KDM3B: variants seen among roughly 807,000 people sequenced by gnomAD.
KDM3B encodes lysine demethylase 3B.
Under a neutral mutation model 170.0 loss-of-function variants are expected in KDM3B, and 10 were observed. That is an observed-to-expected ratio of 0.06 (90% CI 0.04 to 0.10). KDM3B has a LOEUF of 0.10. Among genes scored for constraint, KDM3B ranks in the 10% least tolerant of loss-of-function variants. The pLI is 1.00. For missense variants in KDM3B, 1,394 were observed against 2,195.2 expected, an observed-to-expected ratio of 0.64 and a Z score of 7.29; for synonymous variants, 831 against 834.8, an observed-to-expected ratio of 1.00 and a Z score of 0.08.
At chr5:138,390,222 G>A (rs1762393004) in intron 7 of KDM3B, among the ~76,000 whole-genome samples, 1 of 152,096 alleles carries the variant, frequency 6.6e-6, no homozygotes, top group Non-Finnish European at 1.5e-5. Context: ...AAGAAGGAAA[G>A]GGGAGTGTTC....
chr5:138,394,510 G>GAA (rs1251195450), intron 9 of KDM3B, among the ~76,000 whole-genome samples: 2 of 152,168 alleles, frequency 1.3e-5, no homozygotes, highest in Admixed American at 6.5e-5. Flanking sequence ...GAGAGTTGAG[G>GAA]AACAGCCTGC....
At position 138,400,023 on chromosome 5, in the gene KDM3B, A is replaced by G. The variant is rs769952315; in HGVS notation, c.3199+11A>G. On this transcript the variant is annotated intron_variant, in intron 11 of 23. Coordinates refer to ENST00000314358, the MANE Select transcript of KDM3B (RefSeq NM_016604.4). ...GCCGGCCACGCAGTGGTAAGTAAACATTGTCCTGTGTAGCTCGAAAGGTAA... is the reference window on the plus strand; with the variant it reads ...GCCGGCCACGCAGTGGTAAGTAAACGTTGTCCTGTGTAGCTCGAAAGGTAA... 5 of 1,614,052 alleles carry G rather than the reference A, an allele frequency of 3.1e-6. No individual in the cohort carries two copies. Among genetic ancestry groups the G allele is most frequent in the East Asian group, 2.2e-5 (1 of 44,880 alleles).
intron 17 of KDM3B, 152 bp downstream of exon 17, chr5:138,425,734 G>A (rs369773971): frequency 1.5e-5 from 10 of 683,938 alleles, no homozygotes; most frequent in South Asian, 7.6e-5. Context: ...ACAGCCGGGC[G>A]TGGTTGCTCG....
At chr5:138,389,083 T>G (rs1762356489) in intron 7 of KDM3B, among the ~76,000 whole-genome samples, 1 of 152,260 alleles carries the variant, frequency 6.6e-6, no homozygotes, top group African/African-American at 2.4e-5. Context: ...CTTGCAGTCA[T>G]GCAGGTATCA....
intron 23 of KDM3B, among the ~76,000 whole-genome samples, chr5:138,435,227 A>G (rs146752032): frequency 1.3e-5 from 2 of 152,336 alleles, no homozygotes; most frequent in East Asian, 3.9e-4. Context: ...TCTTAACCAT[A>G]TAAGGAAACA....
chr5:138,430,105 A>AGGCTTG, intron 21 of KDM3B, 140 bp downstream of exon 21: 16 of 1,376,824 alleles, frequency 1.2e-5, no homozygotes, highest in Non-Finnish European at 1.6e-5. Context: ...AAAAGCCCAA[A>AGGCTTG]GGCTTGAATC....
At chr5:138,416,588 C>CAAAAAAAAAAAA (rs545925296) in intron 12 of KDM3B, among the ~76,000 whole-genome samples, 13 of 84,172 alleles carry the variant, frequency 1.5e-4, no homozygotes, top group African/African-American at 1.9e-4. Flanking sequence ...GACTCTGTCT[C>CAAAAAAAAAAAA]AAAAAAAAAA....
Position 138,379,717 on chromosome 5 carries a change from C to G in KDM3B, c.705+9C>G. The G allele has an allele frequency of 6.2e-7, 1 of 1,611,452 alleles. No homozygotes were observed. The highest frequency in any genetic ancestry group is 8.5e-7 in the Non-Finnish European group (1 of 1,178,822). On this transcript the variant is annotated intron_variant, in intron 5 of 23. Transcript: ENST00000314358. Reference sequence around the variant, plus strand: ...AGGTGTCTGTAACTGAGGTGAGACTCTGTGTTATTCTGTCTAAGGTCCATC... The same window carrying G: ...AGGTGTCTGTAACTGAGGTGAGACTGTGTGTTATTCTGTCTAAGGTCCATC...
Position 138,420,766 on chromosome 5 carries a change from C to T in KDM3B, c.3776C>T (p.Ser1259Leu), listed in dbSNP as rs371034627. The T allele has an allele frequency of 2.1e-5, 34 of 1,614,006 alleles. No homozygotes were observed. Among genetic ancestry groups the T allele is most frequent in the African/African-American group, 1.9e-4 (14 of 74,922 alleles). ...KESHSPFGLD[S>L]FNSTAKVSPL... ...TCTCATTCACCCTTTGGGCTGGACTCGTTCAACTCCACTGCAAAGGTCTCT... is the reference window on the plus strand; with the variant it reads ...TCTCATTCACCCTTTGGGCTGGACTTGTTCAACTCCACTGCAAAGGTCTCT... Residue 1259 changes from serine (S) to leucine (L), a missense_variant, in exon 15 of 24, where the codon TCG (serine) becomes TTG (leucine). By Grantham distance (145) the Ser-to-Leu change is moderately radical. Transcript: ENST00000314358.
chr5:138,417,794 T>C, intron 13 of KDM3B, 184 bp downstream of exon 13: 1 of 565,578 alleles, frequency 1.8e-6, no homozygotes, highest in Non-Finnish European at 3.1e-6. Context: ...CCCTGATTGG[T>C]ACAGTTTCTC....
intron 17 of KDM3B, among the ~76,000 whole-genome samples, chr5:138,426,292 G>A (rs756421443): frequency 1.8e-4 from 27 of 152,146 alleles, no homozygotes; most frequent in Non-Finnish European, 3.4e-4. Flanking sequence ...TAATCTCCCA[G>A]GGCCAGGCAC....
intron 9 of KDM3B, among the ~76,000 whole-genome samples, chr5:138,395,095 A>G (rs1478712278): frequency 6.6e-6 from 1 of 152,184 alleles, no homozygotes; most frequent in Non-Finnish European, 1.5e-5. Context: ...TGGGGAGGAA[A>G]AGGGGGAGTT....
rs560623138 is a variant in KDM3B, at chr5:138,359,014, A to G, written c.192+6027A>G. ...TGTGTCCATGTGTTCTCATTGTTCA[A>G]TTCCCACCTATGAGTGAGAATATGC... On this transcript the variant is annotated intron_variant, in intron 1 of 23. Coordinates refer to ENST00000314358, the MANE Select transcript of KDM3B (RefSeq NM_016604.4). Among the ~76,000 whole-genome samples the G allele has an allele frequency of 3.2e-3, 457 of 144,230 alleles. 6 individuals are homozygous for G. Among genetic ancestry groups the G allele is most frequent in the Middle Eastern group, 0.015 (4 of 260 alleles). The allele number at this position is 144,230 out of a possible 152,430, so 94.6% of individuals were successfully genotyped here. A position where few individuals can be genotyped will look rare whatever the true frequency, so the allele number is the denominator to read the frequency against.
At chr5:138,368,177 G>T (rs1008256287) in intron 1 of KDM3B, among the ~76,000 whole-genome samples, 1 of 151,840 alleles carries the variant, frequency 6.6e-6, no homozygotes, top group African/African-American at 2.4e-5. Context: ...TACCATTAAG[G>T]GTATGTGTTC....
At chr5:138,425,837 C>G in intron 17 of KDM3B, 2 of 293,542 alleles carry the variant, frequency 6.8e-6, no homozygotes, top group Non-Finnish European at 1.3e-5. Context: ...GAAACCCCAC[C>G]TCTACTAAAA....
Position 138,428,064 on chromosome 5 carries a change from C to T in KDM3B, c.4731C>T (p.Ile1577=). Residue 1577 remains isoleucine, a synonymous_variant, in exon 20 of 24, where the codon ATC becomes ATT. Transcript: ENST00000314358. ...VNVMVYVGIP[I]GEGAHDEEVL... ...TGATGGTGTATGTTGGGATTCCCAT[C>T]GGGGAGGGTGCTCATGATGAAGGTA... 1 of 1,613,854 alleles carries T rather than the reference C, an allele frequency of 6.2e-7. No individual in the cohort carries two copies. Among genetic ancestry groups the T allele is most frequent in the Non-Finnish European group, 8.5e-7 (1 of 1,179,846 alleles).
At chr5:138,407,028 C>T (rs560364745) in intron 11 of KDM3B, among the ~76,000 whole-genome samples, 50 of 148,938 alleles carry the variant, frequency 3.4e-4, no homozygotes, top group East Asian at 9.8e-4. Context: ...CTCTGTCGCC[C>T]GGGCTGGAGT....
chr5:138,365,521 G>A (rs1277556289), intron 1 of KDM3B, among the ~76,000 whole-genome samples: 2 of 151,916 alleles, frequency 1.3e-5, no homozygotes, highest in Non-Finnish European at 1.5e-5. Context: ...GCCTCCCAGA[G>A]TGCTGGGATT....
intron 1 of KDM3B, among the ~76,000 whole-genome samples, chr5:138,364,410 C>A (rs1217134663): frequency 6.6e-6 from 1 of 152,022 alleles, no homozygotes; most frequent in African/African-American, 2.4e-5. Context: ...TTTAACTCTT[C>A]TCTTTTCGTT....
Sources: allele counts gnomAD v4.1 joint callset (sites outside exome capture counted in the v4.1 genomes callset), GRCh38; gene constraint gnomAD v4.1.1; transcripts MANE v1.5; gene names NCBI Gene and HGNC (gene_info 2026-07-23, HGNC 2026-07-21).